Variants in FAM228B observed in about 807,000 individuals in gnomAD.
FAM228B encodes protein FAM228B.
In FAM228B, 38 loss-of-function variants were observed where a neutral mutation model predicts 42.6. The ratio of observed to expected loss-of-function variants is 0.89; its 90% confidence interval spans 0.69 to 1.17. The LOEUF is 1.17. FAM228B is among the 50% of genes most tolerant of loss of function. The pLI is 0.00. For missense variants in FAM228B, 344 were observed against 367.3 expected (o/e 0.94, Z 0.52); for synonymous variants, 109 against 122.3 (o/e 0.89, Z 0.72).
At chr2:24,120,329 C>T (rs758348671), upstream of FAM228B, among the ~76,000 whole-genome samples, 11 of 152,004 alleles carry the variant, frequency 7.2e-5, no homozygotes, top group African/African-American at 1.9e-4. Context: ...ATGGAAAGGT[C>T]GTACATTTTG....
intron 3 of FAM228B, among the ~76,000 whole-genome samples, chr2:24,102,069 C>G (rs1665621001): frequency 6.6e-6 from 1 of 152,036 alleles, no homozygotes; most frequent in Non-Finnish European, 1.5e-5. Flanking sequence ...GAATGCCAGC[C>G]GATTCTTTGA....
chr2:24,082,486 C>T (rs929155876), intron 2 of FAM228B, among the ~76,000 whole-genome samples: 11 of 152,372 alleles, frequency 7.2e-5, no homozygotes, highest in African/African-American at 2.6e-4. Context: ...TTACACTGCA[C>T]TGTCTAAAGG....
intron 3 of FAM228B, among the ~76,000 whole-genome samples, chr2:24,111,810 A>G (rs913495315): frequency 1.3e-5 from 2 of 152,060 alleles, no homozygotes; most frequent in African/African-American, 2.4e-5. Flanking sequence ...TCACCCCACA[A>G]GCAGAGGGGG....
chr2:24,088,141 G>T (rs930864101), intron 2 of FAM228B, among the ~76,000 whole-genome samples: 1 of 151,960 alleles, frequency 6.6e-6, no homozygotes, highest in African/African-American at 2.4e-5. Flanking sequence ...GCCTCCAAAA[G>T]TGCTGGGATT....
At position 24,080,707 on chromosome 2, in the gene FAM228B, G is replaced by T; in HGVS notation, c.-289-169G>T. 1 of 1,308,216 alleles carries T rather than the reference G, an allele frequency of 7.6e-7. No homozygotes were observed. The highest frequency in any genetic ancestry group is 1.1e-6 in the Non-Finnish European group (1 of 921,854). 81.0% of individuals were successfully genotyped at this position (1,308,216 alleles called of 1,614,324 possible). On this transcript the variant is annotated intron_variant, in intron 1 of 10. Coordinates refer to the FAM228B transcript ENST00000613899. The surrounding 1 kb of genome is among the most constrained non-coding windows in gnomAD (Gnocchi z 4.7). ...CTAGAATTTGGCCAGGGCAGCTGTT[G>T]TGCACTTAGCAGAGGTAAGACTGAT...
chr2:24,149,724 C>T (rs978888648), intron 7 of FAM228B, among the ~76,000 whole-genome samples: 5 of 152,176 alleles, frequency 3.3e-5, no homozygotes, highest in African/African-American at 9.7e-5. Flanking sequence ...TAAGCCACTG[C>T]GCCCGGCTTG....
chr2:24,166,054 A>AAAAAAATATATATATAT (rs56146407), intron 9 of FAM228B: 11 of 81,046 alleles, frequency 1.4e-4, no homozygotes, highest in East Asian at 4.4e-4. Context: ...AAAAAAAAAA[A>AAAAAAATATATATATAT]ATATATATAT....
intron 8 of FAM228B, among the ~76,000 whole-genome samples, chr2:24,162,785 C>T (rs1667314484): frequency 6.6e-6 from 1 of 152,170 alleles, no homozygotes; most frequent in Non-Finnish European, 1.5e-5. Context: ...CATAGACAAA[C>T]TTCAAAACCA....
At chr2:24,145,487 G>A (rs1365987016) in intron 5 of FAM228B, among the ~76,000 whole-genome samples, 1 of 152,138 alleles carries the variant, frequency 6.6e-6, no homozygotes, top group African/African-American at 2.4e-5. Context: ...CTCCCCTACG[G>A]AAGCAATCCA....
chr2:24,162,855 A>G (rs1195802185), intron 8 of FAM228B, among the ~76,000 whole-genome samples: 1 of 152,202 alleles, frequency 6.6e-6, no homozygotes, highest in East Asian at 1.9e-4. Context: ...TTTTTATACA[A>G]AATGTTCAGA....
chr2:24,166,600 CG>C (rs2151033862), intron 9 of FAM228B: 1 of 151,802 alleles, frequency 6.6e-6, no homozygotes, highest in Non-Finnish European at 1.5e-5. Context: ...GAGACGGCTC[CG>C]ATTTCCTGGA....
At chr2:24,131,277 G>T (rs12328954) in intron 2 of FAM228B, among the ~76,000 whole-genome samples, 2 of 151,952 alleles carry the variant, frequency 1.3e-5, no homozygotes, top group African/African-American at 4.8e-5. Context: ...CTCCAGCTTT[G>T]TTCTTTTTGC....
At chr2:24,163,448 G>A (rs1193583693) in intron 8 of FAM228B, among the ~76,000 whole-genome samples, 3 of 152,176 alleles carry the variant, frequency 2.0e-5, no homozygotes, top group African/African-American at 7.2e-5. Flanking sequence ...GGAGCCACAA[G>A]TGAGGGGAAA....
At chr2:24,152,270 G>A (rs1667042775) in intron 7 of FAM228B, among the ~76,000 whole-genome samples, 1 of 152,180 alleles carries the variant, frequency 6.6e-6, no homozygotes, top group Non-Finnish European at 1.5e-5. Flanking sequence ...CTTCAGAATA[G>A]CTATTTTGAA....
intron 3 of FAM228B, among the ~76,000 whole-genome samples, chr2:24,109,033 A>G (rs1361160459): frequency 1.3e-5 from 2 of 152,114 alleles, no homozygotes; most frequent in Admixed American, 6.6e-5. Flanking sequence ...CTACAGGGCT[A>G]CAGTAACCAA....
chr2:24,132,157 G>C (rs1666468926), intron 2 of FAM228B, among the ~76,000 whole-genome samples: 1 of 152,238 alleles, frequency 6.6e-6, no homozygotes, highest in African/African-American at 2.4e-5. Context: ...TGTGGAACCA[G>C]CCTTGCAACG....
chr2:24,100,464 A>G (rs1034131995), intron 3 of FAM228B, among the ~76,000 whole-genome samples: 2 of 152,226 alleles, frequency 1.3e-5, no homozygotes, highest in African/African-American at 4.8e-5. Flanking sequence ...ATATGAACAG[A>G]CACTTCTCAA....
At chr2:24,140,979 A>AT (rs1573770253) in intron 5 of FAM228B, among the ~76,000 whole-genome samples, 1 of 152,150 alleles carries the variant, frequency 6.6e-6, no homozygotes, top group Non-Finnish European at 1.5e-5. Context: ...AAAAAAAAAA[A>AT]GAAAAATTTT....
At chr2:24,098,102 C>T (rs529614774) in intron 3 of FAM228B, among the ~76,000 whole-genome samples, 12 of 152,290 alleles carry the variant, frequency 7.9e-5, no homozygotes, top group South Asian at 2.1e-4. Flanking sequence ...AAAGACACAA[C>T]GTACCAGAAT....
Sources: gnomAD v4.1 joint callset for allele counts (sites outside exome capture counted in the v4.1 genomes callset) on GRCh38, gnomAD v4.1.1 for gene constraint, Gnocchi (gnomAD v3.1) non-coding constraint, MANE v1.5 for transcripts, NCBI Gene and HGNC (gene_info 2026-07-23, HGNC 2026-07-21) for gene names.